Variants in GSG1L observed in about 807,000 individuals in gnomAD.
GSG1L encodes the protein GSG1 like.
In GSG1L, 24 loss-of-function variants were observed where a neutral mutation model predicts 42.1. The ratio of observed to expected loss-of-function variants is 0.57; its 90% confidence interval spans 0.41 to 0.80. The LOEUF (loss-of-function observed/expected upper bound fraction) is 0.80. Among genes scored for constraint, GSG1L ranks in the 30% least tolerant of loss-of-function variants. GSG1L has a pLI of 0.00. For missense variants in GSG1L, 445 were observed against 472.2 expected (o/e 0.94, Z 0.53); for synonymous variants, 215 against 203.5 (o/e 1.06, Z -0.48).
intron 2 of GSG1L, among the ~76,000 whole-genome samples, chr16:27,956,745 T>C (rs1156977312): frequency 6.6e-6 from 1 of 151,646 alleles, no homozygotes; most frequent in Non-Finnish European, 1.5e-5. Flanking sequence ...GCCTATATCC[T>C]GGAACCAAGC....
intron 1 of GSG1L, among the ~76,000 whole-genome samples, chr16:27,966,154 A>G (rs2085130579): frequency 6.6e-6 from 1 of 152,088 alleles, no homozygotes; most frequent in African/African-American, 2.4e-5. Context: ...ATTTTTCTCA[A>G]ATGTTATCTT....
chr16:27,892,117 CA>C (rs1368909476), intron 2 of GSG1L, among the ~76,000 whole-genome samples: 2 of 151,784 alleles, frequency 1.3e-5, no homozygotes, highest in Non-Finnish European at 2.9e-5. Context: ...ATATGCAGTC[CA>C]ATTTGAGAAC....
rs538123113 is a variant in GSG1L, at chr16:28,006,237, A to G, written c.350-43034T>C. Among the ~76,000 whole-genome samples the G allele has an allele frequency of 4.6e-5, 7 of 152,342 alleles. No individual in the cohort carries two copies. The South Asian group carries it at 1.4e-3, about 32-fold the overall frequency. On this transcript the variant is annotated intron_variant, in intron 1 of 6. Transcript: ENST00000447459. ...TGCCAACAATCAGAATAAGCAAAAA[A>G]TGCATTCACCCCTAGAGCCTCCGGA...
chr16:27,798,579 C>T (rs140145145), intron 6 of GSG1L, among the ~76,000 whole-genome samples: 3 of 152,272 alleles, frequency 2.0e-5, no homozygotes, highest in South Asian at 2.1e-4. Flanking sequence ...CATGGAGCAT[C>T]GCAGCTGCAG....
intron 3 of GSG1L, among the ~76,000 whole-genome samples, chr16:27,852,736 A>C (rs2083529722): frequency 6.6e-6 from 1 of 152,180 alleles, no homozygotes; most frequent in Non-Finnish European, 1.5e-5. Context: ...GACCCGGGGC[A>C]GGAATTGCAA....
intron 2 of GSG1L, among the ~76,000 whole-genome samples, chr16:27,919,362 C>G (rs1318721737): frequency 2.0e-5 from 3 of 152,200 alleles, no homozygotes; most frequent in African/African-American, 4.8e-5. Flanking sequence ...TCCTCTCTGA[C>G]TCCATCTCCT....
rs1371978500 is a variant in GSG1L at position 27,888,442 on chromosome 16, TTCTTTCTTTCTTTCTTTCTTTCTC to T, written c.398-3828_398-3805del. Reference sequence around the variant, plus strand: ...TTTCTTTCTTTCTTTCTTTCTTTCTTTCTTTCTTTCTTTCTTTCTTTCTCTCTCTCTCTCTCTTTCCTTTCTTTC... The same window carrying T: ...TTTCTTTCTTTCTTTCTTTCTTTCTTTCTCTCTCTCTCTTTCCTTTCTTTC... On this transcript the variant is annotated intron_variant, in intron 2 of 6. Transcript: ENST00000447459. 2.5e-3 allele frequency among the ~76,000 whole-genome samples: 90 copies of T among 35,386 alleles called. 3 individuals carry two copies. The highest frequency in any genetic ancestry group is 0.017 in the East Asian group (25 of 1,444). The allele number at this position is 35,386 out of a possible 152,430, so 23.2% of individuals were successfully genotyped here.
intron 1 of GSG1L, among the ~76,000 whole-genome samples, chr16:28,021,074 T>C (rs1396846945): frequency 6.6e-6 from 1 of 152,208 alleles, no homozygotes; most frequent in Non-Finnish European, 1.5e-5. Flanking sequence ...GGTGTATTAG[T>C]CCTTTCTCAC....
chr16:27,824,003 C>G (rs2083178868), intron 5 of GSG1L: 7 of 694,158 alleles, frequency 1.0e-5, no homozygotes, highest in Non-Finnish European at 1.8e-5. Flanking sequence ...TAGAGGAGAG[C>G]CTTATACAGG....
intron 5 of GSG1L, among the ~76,000 whole-genome samples, chr16:27,813,132 T>C (rs1267696761): frequency 6.6e-6 from 1 of 152,144 alleles, no homozygotes. Context: ...GTGTGCAGGT[T>C]TGTTACAGAG....
intron 1 of GSG1L, among the ~76,000 whole-genome samples, chr16:27,990,553 T>C (rs1215829710): frequency 6.6e-6 from 1 of 152,216 alleles, no homozygotes; most frequent in African/African-American, 2.4e-5. Context: ...TAGTTCCTTG[T>C]CTTATGGTTC....
At chr16:28,008,630 A>G (rs2085673253) in intron 1 of GSG1L, among the ~76,000 whole-genome samples, 1 of 152,130 alleles carries the variant, frequency 6.6e-6, no homozygotes, top group South Asian at 2.1e-4. Flanking sequence ...GTCAGATTGC[A>G]TCACCTCCCT....
At chr16:27,862,132 A>G (rs1470103297) in intron 3 of GSG1L, among the ~76,000 whole-genome samples, 2 of 152,196 alleles carry the variant, frequency 1.3e-5, no homozygotes, top group Non-Finnish European at 2.9e-5. Context: ...CTTAATTGCA[A>G]TAATCAATAG....
chr16:27,796,706 C>G (rs933117951), intron 6 of GSG1L, among the ~76,000 whole-genome samples: 1 of 152,338 alleles, frequency 6.6e-6, no homozygotes, highest in Non-Finnish European at 1.5e-5. Context: ...TGGGGGCCAT[C>G]TATCTCTCCA....
intron 2 of GSG1L, among the ~76,000 whole-genome samples, chr16:27,925,242 A>G (rs1279863829): frequency 1.3e-5 from 2 of 152,220 alleles, no homozygotes. Context: ...ACATTTGATC[A>G]GGGCTTTAAA....
chr16:27,825,342 G>T (rs1211455109), intron 5 of GSG1L, among the ~76,000 whole-genome samples: 38 of 152,116 alleles, frequency 2.5e-4, no homozygotes, highest in East Asian at 1.9e-4. Flanking sequence ...AACAAATAAA[G>T]AAAATCCTGG....
rs750885077 is a variant in GSG1L, at chr16:27,788,871, A to T, written c.*2499T>A. The T allele has an allele frequency of 2.6e-5, 4 of 152,256 alleles. No homozygotes were observed. Among genetic ancestry groups the T allele is most frequent in the Admixed American group, 6.5e-5 (1 of 15,286 alleles). 9.4% of individuals were successfully genotyped at this position (152,256 alleles called of 1,614,324 possible). On this transcript the variant is annotated 3_prime_UTR_variant, in exon 7 of 7. Transcript: ENST00000447459. The stretch of plus-strand genomic sequence containing the variant: ...GAAACAGGCACAGAAAGGTCAAGTA[A>T]CTCGCCCAAGGTCACAAGTGGAGAA...
intron 1 of GSG1L, among the ~76,000 whole-genome samples, chr16:28,008,965 C>T (rs934863742): frequency 7.9e-5 from 12 of 152,232 alleles, no homozygotes; most frequent in African/African-American, 2.2e-4. Flanking sequence ...CCCGCCACCA[C>T]GCCTGGCTAA....
At chr16:28,020,793 C>A (rs947116801) in intron 1 of GSG1L, among the ~76,000 whole-genome samples, 2 of 152,140 alleles carry the variant, frequency 1.3e-5, no homozygotes, top group African/African-American at 4.8e-5. Context: ...CTCAAGCAGC[C>A]CCGTGGCAAG....
Sources: gnomAD v4.1 joint callset for allele counts (sites outside exome capture counted in the v4.1 genomes callset) on GRCh38, gnomAD v4.1.1 for gene constraint, MANE v1.5 for transcripts, NCBI Gene and HGNC (gene_info 2026-07-23, HGNC 2026-07-21) for gene names.